Variants in UNC79 observed in about 807,000 individuals in gnomAD.
The protein encoded by UNC79 is protein unc-79 homolog.
A neutral mutation model predicts 283.1 loss-of-function variants in UNC79; 37 were observed. The observed-to-expected ratio is 0.13, with a 90% CI of 0.10 to 0.17. The LOEUF (loss-of-function observed/expected upper bound fraction) is 0.17. Among genes scored for constraint, UNC79 ranks in the 10% least tolerant of loss-of-function variants. The probability of loss-of-function intolerance (pLI) is 1.00; values close to 1 mark genes in which losing one functional copy is unlikely to be tolerated. For synonymous variants in UNC79, 1,107 were observed against 1,200.2 expected, an observed-to-expected ratio of 0.92 and a Z score of 1.61; for missense variants, 2,272 against 3,211.1, an observed-to-expected ratio of 0.71 and a Z score of 7.07.
intron 31 of UNC79, among the ~76,000 whole-genome samples, chr14:93,632,565 T>A (rs2068117752): frequency 1.3e-5 from 2 of 151,934 alleles, no homozygotes; most frequent in Admixed American, 1.3e-4. Context: ...CCAGGCGTGG[T>A]GGCGCGCACC....
intron 5 of UNC79, among the ~76,000 whole-genome samples, chr14:93,494,264 T>C (rs992256400): frequency 1.3e-5 from 2 of 152,062 alleles, no homozygotes; most frequent in Non-Finnish European, 2.9e-5. Flanking sequence ...GGGATGGTGC[T>C]AAACCATTCA....
intron 5 of UNC79, among the ~76,000 whole-genome samples, chr14:93,490,156 C>G (rs1239842481): frequency 6.6e-6 from 1 of 152,138 alleles, no homozygotes; most frequent in Non-Finnish European, 1.5e-5. Context: ...GGTCCTTGCA[C>G]TCTGGGTCTG....
At chr14:93,582,029 C>T (rs957451708) in intron 19 of UNC79, among the ~76,000 whole-genome samples, 174 bp from the exon 20 acceptor site, 2 of 152,244 alleles carry the variant, frequency 1.3e-5, no homozygotes, top group South Asian at 2.1e-4. Flanking sequence ...TTTCTTTTCA[C>T]TGTTCCAGCA....
At chr14:93,705,246 A>G (rs1309233884) in intron 48 of UNC79, among the ~76,000 whole-genome samples, 1 of 152,010 alleles carries the variant, frequency 6.6e-6, no homozygotes, top group Admixed American at 6.6e-5. Context: ...CTATTTTAAA[A>G]AAAGAAATCA....
At chr14:93,697,249 C>T (rs1156733824) in intron 47 of UNC79, among the ~76,000 whole-genome samples, 1 of 152,138 alleles carries the variant, frequency 6.6e-6, no homozygotes, top group Non-Finnish European at 1.5e-5. Flanking sequence ...GATTCTCCTG[C>T]CTCAGCCTCC....
At chr14:93,368,263 T>C (rs565081407) in intron 1 of UNC79, among the ~76,000 whole-genome samples, 11 of 152,336 alleles carry the variant, frequency 7.2e-5, no homozygotes, top group African/African-American at 2.6e-4. Context: ...TTACTTGCTA[T>C]CAAAATTTTA....
intron 41 of UNC79, 81 bp from the exon 45 acceptor site, chr14:93,682,536 A>T: frequency 8.0e-7 from 1 of 1,244,602 alleles, no homozygotes; most frequent in Non-Finnish European, 1.2e-6. Flanking sequence ...TAATTAATTT[A>T]AGCCAAGTTA....
intron 41 of UNC79, among the ~76,000 whole-genome samples, chr14:93,677,812 G>A (rs908374373): frequency 1.3e-5 from 2 of 152,124 alleles, no homozygotes; most frequent in African/African-American, 4.8e-5. Context: ...ACCACACCCA[G>A]CTAATTTTTG....
chr14:93,505,848 A>C (rs1445953333), intron 7 of UNC79, among the ~76,000 whole-genome samples: 3 of 151,798 alleles, frequency 2.0e-5, no homozygotes, highest in African/African-American at 7.3e-5. Context: ...AGATTATATC[A>C]TGCATTCTTG....
At chr14:93,493,253 T>C (rs1008360065) in intron 5 of UNC79, among the ~76,000 whole-genome samples, 2 of 152,088 alleles carry the variant, frequency 1.3e-5, no homozygotes, top group Non-Finnish European at 1.5e-5. Flanking sequence ...CAGCTGAGAC[T>C]GAAGGATCAG....
At chr14:93,345,053 G>A (rs2053795028) in intron 1 of UNC79, among the ~76,000 whole-genome samples, 1 of 152,094 alleles carries the variant, frequency 6.6e-6, no homozygotes, top group African/African-American at 2.4e-5. Context: ...CGGGGCCTTT[G>A]GGAAGTAATT....
At chr14:93,478,657 T>C (rs946866083) in intron 4 of UNC79, among the ~76,000 whole-genome samples, 11 of 152,212 alleles carry the variant, frequency 7.2e-5, no homozygotes, top group African/African-American at 2.4e-4. Context: ...GATGGTTAAC[T>C]TGGAACATTG....
chr14:93,533,621 C>T (rs534988081), intron 11 of UNC79, among the ~76,000 whole-genome samples: 1 of 152,246 alleles, frequency 6.6e-6, no homozygotes, highest in Admixed American at 6.5e-5. Context: ...GACTTGTTCA[C>T]AGGTGGCAGT....
At chr14:93,340,441 CAAA>C (rs1193751068) in intron 1 of UNC79, among the ~76,000 whole-genome samples, 20 of 64,404 alleles carry the variant, frequency 3.1e-4, no homozygotes, top group African/African-American at 7.7e-4. Flanking sequence ...AACGCTGTCT[CAAA>C]AAAAAAAAAA....
chr14:93,364,778 A>AAT (rs1208126896), intron 1 of UNC79, among the ~76,000 whole-genome samples: 2 of 151,798 alleles, frequency 1.3e-5, no homozygotes, highest in Non-Finnish European at 2.9e-5. Flanking sequence ...CTGGGGCCTA[A>AAT]AGGTCCTGGG....
rs2058377419 is a variant in UNC79 at position 93,485,610 on chromosome 14, G to T, written c.620-2053G>T. Among the ~76,000 whole-genome samples, 4 of 152,258 alleles carry T rather than the reference G, an allele frequency of 2.6e-5. No individual in the cohort carries two copies. In the South Asian group the frequency reaches 8.3e-4, roughly 32 times the overall value. On this transcript the variant is annotated intron_variant, in intron 4 of 48. Transcript: ENST00000555664. Reference sequence around the variant, plus strand: ...TTTGTTCCTTAGCATTTGGCTGAAAGTTCTTCTTTCTTGATTAATCACATT... The same window carrying T: ...TTTGTTCCTTAGCATTTGGCTGAAATTTCTTCTTTCTTGATTAATCACATT...
At chr14:93,472,775 G>A (rs1254837420) in intron 2 of UNC79, among the ~76,000 whole-genome samples, 1 of 152,056 alleles carries the variant, frequency 6.6e-6, no homozygotes, top group Admixed American at 6.6e-5. Flanking sequence ...TAAGAACTTA[G>A]TAATGTTTGA....
intron 1 of UNC79, among the ~76,000 whole-genome samples, chr14:93,456,568 G>A (rs908997697): frequency 2.0e-5 from 3 of 152,118 alleles, no homozygotes; most frequent in African/African-American, 7.2e-5. Flanking sequence ...GCTGTGCTAA[G>A]CTCTGTATTT....
chr14:93,379,761 A>G (rs1290037375), intron 1 of UNC79, among the ~76,000 whole-genome samples: 1 of 152,114 alleles, frequency 6.6e-6, no homozygotes, highest in Non-Finnish European at 1.5e-5. Flanking sequence ...TACAGTGTAC[A>G]CTGCTTGGGT....
Sources: gnomAD v4.1 joint callset for allele counts (sites outside exome capture counted in the v4.1 genomes callset) on GRCh38, gnomAD v4.1.1 for gene constraint, MANE v1.5 for transcripts, NCBI Gene and HGNC (gene_info 2026-07-23, HGNC 2026-07-21) for gene names.